NECAB1: variants seen among roughly 807,000 people sequenced by gnomAD.
The protein encoded by NECAB1 is N-terminal EF-hand calcium binding protein 1, also known as N-terminal EF-hand calcium-binding protein 1.
Under a neutral mutation model 57.5 loss-of-function variants are expected in NECAB1, and 29 were observed. That is an observed-to-expected ratio of 0.50 (90% confidence interval 0.38 to 0.69). NECAB1 has a LOEUF of 0.69. Ranked by LOEUF, NECAB1 falls within the 30% of genes least tolerant of loss-of-function variation. The pLI is 0.00. For synonymous variants in NECAB1, 142 were observed against 147.7 expected, an observed-to-expected ratio of 0.96 and a Z score of 0.28; for missense variants, 372 against 413.8, an observed-to-expected ratio of 0.90 and a Z score of 0.88.
chr8:90,893,149 C>G (rs1436183474), intron 5 of NECAB1, among the ~76,000 whole-genome samples: 1 of 152,112 alleles, frequency 6.6e-6, no homozygotes, highest in Admixed American at 6.5e-5. Flanking sequence ...CTTCATCTGG[C>G]TGGTCCTCTA....
chr8:90,824,743 T>C lies in NECAB1; in HGVS notation c.151T>C (p.Phe51Leu). The C allele has an allele frequency of 6.5e-7, 1 of 1,548,338 alleles. No homozygotes were observed. Among genetic ancestry groups the C allele is most frequent in the Non-Finnish European group, 8.7e-7 (1 of 1,144,080 alleles). The change falls in exon 3 of 13, where the codon TTC (phenylalanine) becomes CTC (leucine). Residue 51 changes from phenylalanine to leucine, a missense_variant. Coordinates refer to ENST00000417640, the MANE Select transcript of NECAB1 (RefSeq NM_022351.5). ...NDDGKLSFEE[F>L]KAYFADGVLS... ...TGATGGAAAATTATCCTTTGAAGAA[T>C]TCAAAGCATATTTTGCAGATGGTGT...
chr8:90,843,223 A>C (rs12548099), intron 3 of NECAB1, among the ~76,000 whole-genome samples: 42,507 of 152,096 alleles, frequency 0.28, 6,856 homozygotes, highest in East Asian at 0.73. Flanking sequence ...CTCCCACTGG[A>C]TCCCTCCCAT....
chr8:90,925,821 G>A (rs763359979), intron 7 of NECAB1, among the ~76,000 whole-genome samples, 165 bp downstream of exon 7: 10 of 152,174 alleles, frequency 6.6e-5, no homozygotes, highest in Non-Finnish European at 1.5e-4. Flanking sequence ...GAAGAACTGG[G>A]GTGGTGAGCC....
chr8:90,799,549 A>G (rs770400727), intron 1 of NECAB1, among the ~76,000 whole-genome samples: 3 of 152,162 alleles, frequency 2.0e-5, no homozygotes, highest in Non-Finnish European at 4.4e-5. Context: ...TCCCAGCACC[A>G]TTTATTGAAT....
At chr8:90,853,073 GCC>G (rs1812716309) in intron 3 of NECAB1, among the ~76,000 whole-genome samples, 1 of 152,232 alleles carries the variant, frequency 6.6e-6, no homozygotes, top group South Asian at 2.1e-4. Context: ...GTCAAAGGCA[GCC>G]CCCTTGAGGC....
At position 90,917,840 on chromosome 8, in the gene NECAB1, CTATATATATA is replaced by C. The variant is rs34288387; in HGVS notation, c.494+234_494+243del. ...CTTTTACTGTCAGTCATTTAGTAAA[CTATATATATA>C]TATATATATATATATATATATGTGT... On this transcript the variant is annotated intron_variant, in intron 6 of 12. Transcript: ENST00000417640. Among the ~76,000 whole-genome samples the C allele has an allele frequency of 4.6e-4, 22 of 47,330 alleles. 2 individuals carry two copies. The highest frequency in any genetic ancestry group is 1.7e-3 in the African/African-American group (13 of 7,462). 31.1% of individuals were successfully genotyped at this position (47,330 alleles called of 152,430 possible).
intron 2 of NECAB1, among the ~76,000 whole-genome samples, chr8:90,809,835 A>C (rs572036168): frequency 3.2e-4 from 49 of 152,302 alleles, no homozygotes; most frequent in African/African-American, 1.1e-3. Flanking sequence ...AATACTGAAA[A>C]ATGTAATAGC....
At chr8:90,933,310 A>G (rs1318847129) in intron 8 of NECAB1, among the ~76,000 whole-genome samples, 1 of 152,226 alleles carries the variant, frequency 6.6e-6, no homozygotes, top group Admixed American at 6.5e-5. Flanking sequence ...TCAGTTGCAA[A>G]AATGTGGAAC....
chr8:90,920,067 T>C (rs183496686), intron 6 of NECAB1, among the ~76,000 whole-genome samples: 1 of 152,326 alleles, frequency 6.6e-6, no homozygotes, highest in East Asian at 1.9e-4. Flanking sequence ...TTAAGGAAAG[T>C]AGAAGGCACT....
At chr8:90,915,142 G>A (rs1809920934) in intron 5 of NECAB1, among the ~76,000 whole-genome samples, 1 of 152,086 alleles carries the variant, frequency 6.6e-6, no homozygotes, top group Non-Finnish European at 1.5e-5. Context: ...ATTAGTCATA[G>A]TATATACTGA....
At chr8:90,881,442 TA>T (rs1302953445) in intron 5 of NECAB1, among the ~76,000 whole-genome samples, 1 of 152,174 alleles carries the variant, frequency 6.6e-6, no homozygotes, top group Non-Finnish European at 1.5e-5. Context: ...TGTCGAATTG[TA>T]ATCCCCAGTG....
intron 3 of NECAB1, among the ~76,000 whole-genome samples, chr8:90,863,340 A>G (rs1174689170): frequency 1.3e-5 from 2 of 152,164 alleles, no homozygotes; most frequent in African/African-American, 4.8e-5. Context: ...AGAATTATGC[A>G]AAACAATTTT....
intron 10 of NECAB1, among the ~76,000 whole-genome samples, chr8:90,943,108 T>A (rs1810715974): frequency 6.6e-6 from 1 of 152,106 alleles, no homozygotes; most frequent in Non-Finnish European, 1.5e-5. Context: ...GTTGGGAAAA[T>A]GACCTCGAGC....
intron 10 of NECAB1, among the ~76,000 whole-genome samples, chr8:90,948,732 A>G (rs1393553615): frequency 2.0e-5 from 3 of 152,186 alleles, no homozygotes; most frequent in Non-Finnish European, 2.9e-5. Context: ...TATTGTTTCA[A>G]AATTAATTTG....
intron 5 of NECAB1, chr8:90,903,745 A>G (rs1227025045): frequency 6.6e-6 from 1 of 152,190 alleles, no homozygotes; most frequent in African/African-American, 2.4e-5. Flanking sequence ...ACATTTCTGA[A>G]ATGTATCCAA....
intron 3 of NECAB1, among the ~76,000 whole-genome samples, chr8:90,866,944 C>A (rs1290290668): frequency 6.6e-6 from 1 of 152,096 alleles, no homozygotes; most frequent in Non-Finnish European, 1.5e-5. Flanking sequence ...TATAAAGATA[C>A]GTGCACATGT....
intron 10 of NECAB1, among the ~76,000 whole-genome samples, chr8:90,946,454 A>C (rs893835749): frequency 9.2e-5 from 14 of 152,242 alleles, no homozygotes; most frequent in African/African-American, 3.4e-4. Context: ...TAAATACACA[A>C]AGATGACAAC....
At chr8:90,867,186 A>G (rs995905183) in intron 3 of NECAB1, among the ~76,000 whole-genome samples, 3 of 152,250 alleles carry the variant, frequency 2.0e-5, no homozygotes, top group African/African-American at 7.2e-5. Flanking sequence ...TCTCTTATTA[A>G]GGAACAAGTA....
At chr8:90,940,966 T>C (rs1810656494) in intron 10 of NECAB1, 68 bp downstream of exon 10, 4 of 1,164,770 alleles carry the variant, frequency 3.4e-6, no homozygotes, top group Admixed American at 2.0e-5. Flanking sequence ...CATTTCTTAC[T>C]TTAGACAAGG....
Sources: allele counts gnomAD v4.1 joint callset (sites outside exome capture counted in the v4.1 genomes callset), GRCh38; gene constraint gnomAD v4.1.1; transcripts MANE v1.5; gene names NCBI Gene and HGNC (gene_info 2026-07-23, HGNC 2026-07-21).